KIAA1217: variants seen among roughly 807,000 people sequenced by gnomAD.
KIAA1217 encodes the protein sickle tail protein homolog.
Under a neutral mutation model 163.9 loss-of-function variants are expected in KIAA1217, and 88 were observed. That is an observed-to-expected ratio of 0.54 (90% confidence interval 0.45 to 0.64). The LOEUF is 0.64. Ranked by LOEUF, KIAA1217 falls within the 30% of genes least tolerant of loss-of-function variation. The pLI, the probability that KIAA1217 is intolerant of heterozygous loss-of-function variation, is 0.00. For missense variants in KIAA1217, 2,372 were observed against 2,475.0 expected (o/e 0.96, Z 0.88); for synonymous variants, 903 against 923.1 (o/e 0.98, Z 0.39).
At chr10:23,956,263 T>TA (rs1307741011) in intron 1 of KIAA1217, among the ~76,000 whole-genome samples, 2 of 152,138 alleles carry the variant, frequency 1.3e-5, no homozygotes, top group African/African-American at 4.8e-5. Context: ...TTTGTGTCCT[T>TA]ACCTCTCACC....
chr10:23,820,976 T>C (rs929212536), intron 1 of KIAA1217, among the ~76,000 whole-genome samples: 2 of 152,132 alleles, frequency 1.3e-5, no homozygotes, highest in African/African-American at 2.4e-5. Flanking sequence ...TGTGTGCTTA[T>C]GTTGTGTGGG....
chr10:23,923,844 G>T (rs1323570232), intron 1 of KIAA1217, among the ~76,000 whole-genome samples: 1 of 151,824 alleles, frequency 6.6e-6, no homozygotes, highest in Non-Finnish European at 1.5e-5. Flanking sequence ...TTAATTTATT[G>T]AAAATTTTAA....
At chr10:24,186,478 A>G (rs2066434026) in intron 2 of KIAA1217, among the ~76,000 whole-genome samples, 1 of 152,180 alleles carries the variant, frequency 6.6e-6, no homozygotes, top group African/African-American at 2.4e-5. Flanking sequence ...CTTTATTTCA[A>G]TAAAACGTCT....
intron 1 of KIAA1217, among the ~76,000 whole-genome samples, chr10:23,802,042 T>C (rs991120276): frequency 6.6e-6 from 1 of 152,184 alleles, no homozygotes; most frequent in Non-Finnish European, 1.5e-5. Context: ...TTCAGGACCT[T>C]CTTGGAAATA....
At chr10:23,788,972 A>T (rs1411258868) in intron 1 of KIAA1217, among the ~76,000 whole-genome samples, 1 of 152,208 alleles carries the variant, frequency 6.6e-6, no homozygotes, top group Non-Finnish European at 1.5e-5. Flanking sequence ...ACAATTTTTG[A>T]TATATTTCTT....
chr10:24,072,215 TG>T lies in KIAA1217; in HGVS notation c.-171+64846del, dbSNP rs540816595. Among the ~76,000 whole-genome samples the T allele has an allele frequency of 4.6e-3, 695 of 151,914 alleles. 3 individuals carry two copies. Among genetic ancestry groups the T allele is most frequent in the African/African-American group, 0.015 (636 of 41,446 alleles). ...TAATTATTTTTATTTTTTGTAGAGA[TG>T]GGGGTCTCACTATGTTGCCCAGGCT... On this transcript the variant is annotated intron_variant, in intron 2 of 18. Transcript: ENST00000376462.
intron 2 of KIAA1217, among the ~76,000 whole-genome samples, chr10:24,134,236 C>G (rs537910405): frequency 5.3e-4 from 81 of 152,226 alleles, no homozygotes; most frequent in African/African-American, 1.9e-3. Flanking sequence ...GGAGAGGTGG[C>G]TGATGGTGCA....
chr10:24,298,009 A>G (rs1416279425), intron 2 of KIAA1217, among the ~76,000 whole-genome samples: 1 of 152,040 alleles, frequency 6.6e-6, no homozygotes, highest in Non-Finnish European at 1.5e-5. Context: ...CTGGCCTGAC[A>G]TTTTGGTGGT....
chr10:24,494,515 C>T lies in KIAA1217; in HGVS notation c.1695C>T (p.Ala565=). Residue 565 remains alanine, a synonymous_variant, in exon 7 of 21, where the codon GCC becomes GCT. Coordinates refer to ENST00000376454, the MANE Select transcript of KIAA1217 (RefSeq NM_019590.5). ...TGTTTTACAGAGAGAGGATGCAAGC[C>T]ATGGAGAAACAGATTGCCAGTTTAA... ...KDRETRERMQ[A]MEKQIASLTG... 1 of 1,613,272 alleles carries T rather than the reference C, an allele frequency of 6.2e-7. No individual in the cohort carries two copies. The highest frequency in any genetic ancestry group is 8.5e-7 in the Non-Finnish European group (1 of 1,179,502).
In KIAA1217 at chr10:24,310,929, T is replaced by C. The variant is rs547518923; in HGVS notation, c.355-69940T>C. The stretch of plus-strand genomic sequence containing the variant: ...GGAGGATCACGTGAGCCTGAAGAGG[T>C]TGAGGTTGCAGTGAGCCAAGATTGT... On this transcript the variant is annotated intron_variant, in intron 2 of 20. Transcript: ENST00000376454. Among the ~76,000 whole-genome samples the C allele has an allele frequency of 8.5e-4, 129 of 152,172 alleles. 1 individual carries two copies. Among genetic ancestry groups the C allele is most frequent in the African/African-American group, 3.1e-3 (127 of 41,510 alleles).
rs1365843829 is a variant in KIAA1217 at position 23,880,338 on chromosome 10, G to A, written c.-320-126887G>A. ...TGGAGGTCTTTATGTTAAGTAAAAT[G>A]AGCCAGGCACAGAAAGACGAACATC... On this transcript the variant is annotated intron_variant, in intron 1 of 18. Coordinates refer to the KIAA1217 transcript ENST00000376462. 3.3e-5 allele frequency among the ~76,000 whole-genome samples: 5 copies of A among 151,978 alleles called. No individual in the cohort carries two copies. In the East Asian group the frequency reaches 9.8e-4, roughly 30 times the overall value.
chr10:24,228,583 AG>A (rs772571068), intron 2 of KIAA1217, among the ~76,000 whole-genome samples: 7 of 152,172 alleles, frequency 4.6e-5, no homozygotes, highest in Non-Finnish European at 1.0e-4. Flanking sequence ...CATGGATTCC[AG>A]GTCACCATGA....
At chr10:23,699,541 C>G (rs1361189440) in intron 1 of KIAA1217, among the ~76,000 whole-genome samples, 1 of 152,178 alleles carries the variant, frequency 6.6e-6, no homozygotes, top group African/African-American at 2.4e-5. Flanking sequence ...GAAGGAGGCA[C>G]CTGTGTCAAG....
chr10:24,547,208 G>A lies in KIAA1217; in HGVS notation c.*884G>A, dbSNP rs1011124723. 3.9e-5 allele frequency: 6 copies of A among 152,314 alleles called. No individual in the cohort carries two copies. Among genetic ancestry groups the A allele is most frequent in the African/African-American group, 1.2e-4 (5 of 41,356 alleles). The allele number at this position is 152,314 out of a possible 1,614,324, so 9.4% of individuals were successfully genotyped here. Reference sequence around the variant, plus strand: ...TATACTCTGTACGGTTCTGTAAACCGAAAAACTTTTGTAAATATATAAATA... The same window carrying A: ...TATACTCTGTACGGTTCTGTAAACCAAAAAACTTTTGTAAATATATAAATA... On this transcript the variant is annotated 3_prime_UTR_variant, in exon 21 of 21. Coordinates refer to ENST00000376454, the MANE Select transcript of KIAA1217 (RefSeq NM_019590.5).
intron 2 of KIAA1217, among the ~76,000 whole-genome samples, chr10:24,267,733 C>T (rs1485599995): frequency 6.6e-6 from 1 of 152,160 alleles, no homozygotes; most frequent in African/African-American, 2.4e-5. Flanking sequence ...TATGAGTAAT[C>T]ATGCTTTAGA....
intron 1 of KIAA1217, among the ~76,000 whole-genome samples, chr10:23,899,566 G>GT (rs1166535068): frequency 6.6e-6 from 1 of 152,052 alleles, no homozygotes; most frequent in Non-Finnish European, 1.5e-5. Context: ...TTAATTGACC[G>GT]TAACTCTGTC....
chr10:24,321,057 C>CA (rs34148404), intron 2 of KIAA1217, among the ~76,000 whole-genome samples: 21,092 of 149,064 alleles, frequency 0.14, 1,947 homozygotes, highest in East Asian at 0.39. Flanking sequence ...AAAAAAAAAA[C>CA]AAAAAAAATG....
At chr10:23,849,871 T>C (rs1042500722) in intron 1 of KIAA1217, among the ~76,000 whole-genome samples, 1 of 151,980 alleles carries the variant, frequency 6.6e-6, no homozygotes, top group Non-Finnish European at 1.5e-5. Flanking sequence ...TCCTCTGTCC[T>C]TCTAAGAGTT....
At chr10:23,709,836 C>T (rs755877712) in intron 1 of KIAA1217, among the ~76,000 whole-genome samples, 1 of 152,150 alleles carries the variant, frequency 6.6e-6, no homozygotes, top group Non-Finnish European at 1.5e-5. Flanking sequence ...CAGTTGGGGC[C>T]CACAGTCTGA....
Sources: gnomAD v4.1 joint callset for allele counts (sites outside exome capture counted in the v4.1 genomes callset) on GRCh38, gnomAD v4.1.1 for gene constraint, MANE v1.5 for transcripts, NCBI Gene and HGNC (gene_info 2026-07-23, HGNC 2026-07-21) for gene names.